ASH1L: variants seen among roughly 807,000 people sequenced by gnomAD.
The protein encoded by ASH1L is histone-lysine N-methyltransferase ASH1L.
Under a neutral mutation model 269.0 loss-of-function variants are expected in ASH1L, and 23 were observed. The observed-to-expected ratio is 0.09, with a 90% CI of 0.06 to 0.12. The LOEUF (loss-of-function observed/expected upper bound fraction) is 0.12, where lower values mean the gene tolerates loss of function less well. Ranked by LOEUF, ASH1L falls within the 10% of genes least tolerant of loss-of-function variation. The pLI, the probability that ASH1L is intolerant of heterozygous loss-of-function variation, is 1.00. For missense variants in ASH1L, 2,912 were observed against 3,567.8 expected (o/e 0.82, Z 4.68); for synonymous variants, 1,187 against 1,253.5 (o/e 0.95, Z 1.12).
Position 155,422,901 on chromosome 1 carries a change from G to A in ASH1L, c.5829-6978C>T, listed in dbSNP as rs192508598. Among the ~76,000 whole-genome samples, 154 of 150,770 alleles carry A rather than the reference G, an allele frequency of 1.0e-3. No homozygotes were observed. The East Asian group carries it at 0.029, about 29-fold the overall frequency. On this transcript the variant is annotated intron_variant, in intron 5 of 27. Transcript: ENST00000392403. ...CTGACTTCAAATGATCGCCTGCCTC[G>A]GCCTCCCAAAGTGCTGGGATTACAG...
chr1:155,352,660 AAAAG>A, intron 17 of ASH1L, 42 bp downstream of exon 17: 4 of 1,536,388 alleles, frequency 2.6e-6, no homozygotes, highest in Non-Finnish European at 3.5e-6. Flanking sequence ...AAAAAAAAGA[AAAAG>A]AAAAAGAAAA....
chr1:155,484,582 C>T (rs920340129), intron 2 of ASH1L, among the ~76,000 whole-genome samples: 4 of 151,998 alleles, frequency 2.6e-5, no homozygotes, highest in Admixed American at 1.3e-4. Context: ...CTATAAAACA[C>T]AATATTGAGA....
chr1:155,399,655 C>A (rs926796604), intron 6 of ASH1L, among the ~76,000 whole-genome samples: 9 of 150,170 alleles, frequency 6.0e-5, no homozygotes, highest in African/African-American at 1.5e-4. Context: ...CCCCACCCCC[C>A]AAAAAAAACA....
intron 2 of ASH1L, among the ~76,000 whole-genome samples, chr1:155,489,577 T>C: frequency 6.6e-6 from 1 of 150,856 alleles, no homozygotes; most frequent in Admixed American, 6.6e-5. Context: ...AAGACCACAG[T>C]GAAACCCCGT....
Position 155,479,869 on chromosome 1 carries a change from T to A in ASH1L, c.3001A>T (p.Ile1001Phe). The change falls in exon 3 of 28, where the codon ATT (isoleucine) becomes TTT (phenylalanine). Residue 1001 changes from isoleucine to phenylalanine, a missense_variant. Transcript: ENST00000392403. ...TLKRKKLLNQ[I>F]LSSSVESSNK... ...CTTGATTCTACAGAACTTGAAAGAA[T>A]CTGATTCAACAGTTTCTTTCTCTTT... 1 of 1,612,718 alleles carries A rather than the reference T, an allele frequency of 6.2e-7. No individual in the cohort carries two copies. The highest frequency in any genetic ancestry group is 1.1e-5 in the South Asian group (1 of 90,956).
chr1:155,516,526 G>T (rs1223191575), intron 2 of ASH1L, among the ~76,000 whole-genome samples: 1 of 152,186 alleles, frequency 6.6e-6, no homozygotes, highest in Non-Finnish European at 1.5e-5. Flanking sequence ...CAACACAGTG[G>T]CTTACACCTG....
intron 6 of ASH1L, among the ~76,000 whole-genome samples, chr1:155,401,162 CAA>C (rs1013217912): frequency 4.3e-5 from 6 of 138,466 alleles, no homozygotes; most frequent in Admixed American, 3.6e-4. Context: ...CTCTCTGTCT[CAA>C]AAAAAAAAAG....
chr1:155,401,742 C>T lies in ASH1L; in HGVS notation c.6009-6189G>A, dbSNP rs141337107. 3.4e-3 allele frequency among the ~76,000 whole-genome samples: 522 copies of T among 151,886 alleles called. 3 individuals are homozygous for T. The highest frequency in any genetic ancestry group is 0.012 in the African/African-American group (500 of 41,426). ...GGTGGAGGTTACAGAAAGCCAAGAT[C>T]GTGCTATTGCACACCAGCCTGGGTG... On this transcript the variant is annotated intron_variant, in intron 6 of 27. Transcript: ENST00000392403.
At chr1:155,380,009 A>C (rs762411720) in intron 8 of ASH1L, 34 bp downstream of exon 8, 5 of 1,494,268 alleles carry the variant, frequency 3.3e-6, no homozygotes, top group Non-Finnish European at 9.3e-7. Flanking sequence ...TTTACCACTT[A>C]AGAATGAAAC....
chr1:155,360,556 G>T, intron 12 of ASH1L, 147 bp from the exon 13 acceptor site: 1 of 562,874 alleles, frequency 1.8e-6, no homozygotes, highest in South Asian at 2.0e-5. Flanking sequence ...CGATTCTCCT[G>T]CCTCAGCCTC....
chr1:155,496,214 A>G (rs958312675), intron 2 of ASH1L, among the ~76,000 whole-genome samples: 4 of 152,128 alleles, frequency 2.6e-5, no homozygotes, highest in African/African-American at 7.2e-5. Flanking sequence ...TTTTTTGTTA[A>G]AAACTAAAAC....
In ASH1L at chr1:155,433,881, G is replaced by A. The variant is rs781673673; in HGVS notation, c.5828+4446C>T. 10 of 1,602,834 alleles carry A rather than the reference G, an allele frequency of 6.2e-6. No homozygotes were observed. The East Asian group carries it at 1.6e-4, about 25-fold the overall frequency. ...CTCTTGCAGGCTCGAAAGAGAAAGC[G>A]AACCAGTATCGAGAACCGAGTGAGA... On this transcript the variant is annotated intron_variant, in intron 5 of 27. Transcript: ENST00000392403.
At chr1:155,546,344 G>T (rs111944896) in intron 1 of ASH1L, among the ~76,000 whole-genome samples, 1,603 of 151,168 alleles carry the variant, frequency 0.011, 39 homozygotes, top group African/African-American at 0.038. Context: ...AAAAAAAAAA[G>T]AAATTATTGC....
intron 17 of ASH1L, among the ~76,000 whole-genome samples, 180 bp from the exon 18 acceptor site, chr1:155,349,776 G>A (rs144534405): frequency 0.013 from 1,799 of 138,250 alleles, 18 homozygotes; most frequent in Non-Finnish European, 0.019. Context: ...GGTGTGCAAT[G>A]GCATGATCTC....
intron 3 of ASH1L, among the ~76,000 whole-genome samples, chr1:155,474,709 GA>G (rs903380595): frequency 4.9e-5 from 7 of 143,756 alleles, no homozygotes; most frequent in South Asian, 2.2e-4. Context: ...AAAAACAAAA[GA>G]AAAAAAAAAA....
At chr1:155,366,024 T>C (rs1225627514) in intron 12 of ASH1L, among the ~76,000 whole-genome samples, 1 of 152,162 alleles carries the variant, frequency 6.6e-6, no homozygotes, top group South Asian at 2.1e-4. Flanking sequence ...CCATCTTGTA[T>C]AGAGGTTGGG....
chr1:155,423,248 C>T (rs1660860699), intron 5 of ASH1L, among the ~76,000 whole-genome samples: 2 of 150,318 alleles, frequency 1.3e-5, no homozygotes, highest in Non-Finnish European at 3.0e-5. Context: ...CACGCCTGGA[C>T]ATGTATGCTT....
At chr1:155,394,421 T>A (rs1658188460) in intron 7 of ASH1L, among the ~76,000 whole-genome samples, 1 of 152,152 alleles carries the variant, frequency 6.6e-6, no homozygotes, top group Non-Finnish European at 1.5e-5. Flanking sequence ...TAATTTCTGT[T>A]TTTACTGAAT....
At chr1:155,545,869 A>G (rs1370447456) in intron 1 of ASH1L, among the ~76,000 whole-genome samples, 1 of 152,088 alleles carries the variant, frequency 6.6e-6, no homozygotes, top group Non-Finnish European at 1.5e-5. Flanking sequence ...AAAAACATAA[A>G]AATTAGGCTG....
Sources: allele counts gnomAD v4.1 joint callset (sites outside exome capture counted in the v4.1 genomes callset), GRCh38; gene constraint gnomAD v4.1.1; transcripts MANE v1.5; gene names NCBI Gene and HGNC (gene_info 2026-07-23, HGNC 2026-07-21).